The following ASAP2 variants were observed in gnomAD, a reference collection of about 807,000 sequenced individuals.
ASAP2 encodes the protein ArfGAP with SH3 domain, ankyrin repeat and PH domain 2.
ASAP2 carries 45 observed loss-of-function variants against 131.4 expected under a neutral mutation model. The ratio of observed to expected loss-of-function variants is 0.34; its 90% confidence interval spans 0.27 to 0.44. The LOEUF is 0.44. Among genes scored for constraint, ASAP2 ranks in the 20% least tolerant of loss-of-function variants. The pLI, the probability that ASAP2 is intolerant of heterozygous loss-of-function variation, is 1.00. For missense variants in ASAP2, 1,011 were observed against 1,297.0 expected, an observed-to-expected ratio of 0.78 and a Z score of 3.39; for synonymous variants, 510 against 503.0, an observed-to-expected ratio of 1.01 and a Z score of -0.19.
rs570668439 is a variant in ASAP2, at chr2:9,317,728, T to C, written c.346-796T>C. ...CACACACACCCATACACAATCACAT[T>C]CACACTCACATCCACACTCACACTC... On this transcript the variant is annotated intron_variant, in intron 3 of 27. Transcript: ENST00000281419. Among the ~76,000 whole-genome samples the C allele has an allele frequency of 2.1e-5, 3 of 144,370 alleles. No individual in the cohort carries two copies. The South Asian group carries it at 6.8e-4, about 33-fold the overall frequency. The allele number at this position is 144,370 out of a possible 152,430, so 94.7% of individuals were successfully genotyped here.
intron 1 of ASAP2, among the ~76,000 whole-genome samples, chr2:9,265,985 G>T (rs944081949): frequency 3.3e-5 from 5 of 151,782 alleles, no homozygotes; most frequent in Admixed American, 1.3e-4. Flanking sequence ...TGTTAGCCAG[G>T]CTGGTCTTGA....
rs545361081 is a variant in ASAP2, at chr2:9,315,405, G to A, written c.346-3119G>A. 1.1e-4 allele frequency among the ~76,000 whole-genome samples: 16 copies of A among 152,322 alleles called. No homozygotes were observed. The South Asian group carries it at 2.1e-3, about 20-fold the overall frequency. On this transcript the variant is annotated intron_variant, in intron 3 of 27. Coordinates refer to ENST00000281419, the MANE Select transcript of ASAP2 (RefSeq NM_003887.3). ...AGGGAATGTTGGAAGACGGGTCTGC[G>A]TATGTAGGGTTAAGACCTGGAATTT...
Position 9,336,707 on chromosome 2 carries a change from C to T in ASAP2, c.849+1528C>T, listed in dbSNP as rs138967260. Among the ~76,000 whole-genome samples the T allele has an allele frequency of 4.1e-3, 627 of 152,224 alleles. 3 individuals carry two copies. The highest frequency in any genetic ancestry group is 0.014 in the Middle Eastern group (4 of 294). ...CTAGTCTAGAGAATGTAGGCCCTGACGCTTTGATATTCCCAATAAGCAAAA... is the reference window on the plus strand; with the variant it reads ...CTAGTCTAGAGAATGTAGGCCCTGATGCTTTGATATTCCCAATAAGCAAAA... On this transcript the variant is annotated intron_variant, in intron 9 of 27. Coordinates refer to ENST00000281419, the MANE Select transcript of ASAP2 (RefSeq NM_003887.3).
intron 1 of ASAP2, among the ~76,000 whole-genome samples, chr2:9,255,171 C>G (rs1665072514): frequency 6.6e-6 from 1 of 152,156 alleles, no homozygotes. Flanking sequence ...CTAATGAAAC[C>G]AGAATCTTGG....
intron 1 of ASAP2, among the ~76,000 whole-genome samples, chr2:9,251,781 GGCTGTGGCTGAGGGTGAGGAACA>G (rs1664727015): frequency 6.6e-6 from 1 of 152,062 alleles, no homozygotes; most frequent in Non-Finnish European, 1.5e-5. Context: ...AGGGGAAGGT[GGCTGTGGCTGAGGGTGAGGAACA>G]GCTGCCAGGA....
At chr2:9,316,788 T>C (rs1461048321) in intron 3 of ASAP2, among the ~76,000 whole-genome samples, 1 of 152,052 alleles carries the variant, frequency 6.6e-6, no homozygotes, top group Non-Finnish European at 1.5e-5. Context: ...TTCCACCCAA[T>C]TTAATCCATG....
chr2:9,283,792 G>A (rs1381610957), intron 2 of ASAP2, among the ~76,000 whole-genome samples: 3 of 152,140 alleles, frequency 2.0e-5, no homozygotes, highest in African/African-American at 7.2e-5. Context: ...CCTTCTCCCT[G>A]TACCCTCACA....
At chr2:9,316,916 C>T (rs1397451355) in intron 3 of ASAP2, among the ~76,000 whole-genome samples, 1 of 134,678 alleles carries the variant, frequency 7.4e-6, no homozygotes, top group African/African-American at 2.7e-5. Flanking sequence ...ACCCCCCCAA[C>T]ACACACCCCC....
chr2:9,303,838 A>G (rs1572396723), intron 3 of ASAP2, among the ~76,000 whole-genome samples: 1 of 152,138 alleles, frequency 6.6e-6, no homozygotes, highest in African/African-American at 2.4e-5. Context: ...TGATACGGTA[A>G]CCCCCATACA....
At chr2:9,393,769 T>C in intron 24 of ASAP2, 122 bp downstream of exon 24, 1 of 1,065,888 alleles carries the variant, frequency 9.4e-7, no homozygotes, top group Non-Finnish European at 1.3e-6. Context: ...GCCACATAAC[T>C]AATTCATCGG....
Position 9,281,338 on chromosome 2 carries a change from T to G in ASAP2, c.199+1949T>G, listed in dbSNP as rs781681307. On this transcript the variant is annotated intron_variant, in intron 2 of 27. Coordinates refer to ENST00000281419, the MANE Select transcript of ASAP2 (RefSeq NM_003887.3). The surrounding 1 kb of genome is among the most constrained non-coding windows in gnomAD (Gnocchi z 4.0). ...TGCTCGTCTGGAGGAGAGACTTGTG[T>G]GACTCCCAAGGCTGGCCCAGTGGCT... 6.6e-6 allele frequency among the ~76,000 whole-genome samples: 1 copy of G among 152,202 alleles called. No homozygotes were observed. The highest frequency in any genetic ancestry group is 1.5e-5 in the Non-Finnish European group (1 of 68,026).
intron 6 of ASAP2, among the ~76,000 whole-genome samples, chr2:9,325,972 T>A (rs1250641496): frequency 6.6e-6 from 1 of 152,352 alleles, no homozygotes; most frequent in South Asian, 2.1e-4. Context: ...AGTGTAGAAG[T>A]TGGCCAGATA....
At chr2:9,399,988 G>A (rs375585046) in intron 24 of ASAP2, 35 bp from the exon 25 acceptor site, 421 of 1,608,212 alleles carry the variant, frequency 2.6e-4, no homozygotes, top group Non-Finnish European at 3.3e-4. Flanking sequence ...GTGCCCTCCG[G>A]TAGCAGTAAA....
At chr2:9,378,127 C>T (rs1229685157) in intron 18 of ASAP2, among the ~76,000 whole-genome samples, 1 of 152,116 alleles carries the variant, frequency 6.6e-6, no homozygotes. Context: ...AAAAGAAACT[C>T]CTTTTTTGAT....
intron 19 of ASAP2, among the ~76,000 whole-genome samples, chr2:9,379,352 G>A: frequency 6.6e-6 from 1 of 152,216 alleles, no homozygotes; most frequent in East Asian, 1.9e-4. Flanking sequence ...ATTTGGACAA[G>A]GTTGGGGAAT....
chr2:9,371,359 A>T (rs140227385), intron 16 of ASAP2, among the ~76,000 whole-genome samples: 7 of 152,304 alleles, frequency 4.6e-5, no homozygotes, highest in African/African-American at 1.2e-4. Context: ...TATTTTTCTG[A>T]TGAATTACTT....
chr2:9,271,302 T>C (rs769160643), intron 1 of ASAP2: 6 of 847,148 alleles, frequency 7.1e-6, no homozygotes, highest in African/African-American at 1.7e-5. Flanking sequence ...CCATGAATCT[T>C]CAGCTGATCG....
chr2:9,394,834 C>T (rs1387649659), intron 24 of ASAP2, among the ~76,000 whole-genome samples: 2 of 152,142 alleles, frequency 1.3e-5, no homozygotes, highest in Admixed American at 6.5e-5. Context: ...GTGTCTGGAG[C>T]CTTCGCTGAA....
intron 1 of ASAP2, among the ~76,000 whole-genome samples, chr2:9,270,876 C>T (rs866507960): frequency 1.9e-3 from 278 of 149,268 alleles, no homozygotes; most frequent in African/African-American, 5.6e-3. Flanking sequence ...CACTGCAAGC[C>T]CCGCCTCCCG....
Sources: allele counts gnomAD v4.1 joint callset (sites outside exome capture counted in the v4.1 genomes callset), GRCh38; gene constraint gnomAD v4.1.1; non-coding constraint Gnocchi (gnomAD v3.1); transcripts MANE v1.5; gene names NCBI Gene and HGNC (gene_info 2026-07-23, HGNC 2026-07-21).